Variants in PLEKHG7 observed in about 807,000 individuals in gnomAD.
PLEKHG7 encodes pleckstrin homology domain-containing family G member 7.
PLEKHG7 carries 77 observed loss-of-function variants against 85.2 expected under a neutral mutation model. The observed-to-expected ratio is 0.90, with a 90% CI of 0.75 to 1.09. The LOEUF is 1.09. Among genes scored for constraint, PLEKHG7 ranks in the 50% least tolerant of loss-of-function variants. The pLI is 0.00. For missense variants in PLEKHG7, 777 were observed against 804.3 expected (o/e 0.97, Z 0.41); for synonymous variants, 301 against 302.4 (o/e 1.00, Z 0.05).
intron 15 of PLEKHG7, among the ~76,000 whole-genome samples, chr12:92,767,909 T>G (rs965036879): frequency 6.6e-6 from 1 of 152,020 alleles, no homozygotes; most frequent in East Asian, 1.9e-4. Flanking sequence ...ACACTGACTA[T>G]AGAAAGAATG....
At chr12:92,756,184 G>T in intron 12 of PLEKHG7, 114 bp from the exon 13 acceptor site, 1 of 795,224 alleles carries the variant, frequency 1.3e-6, no homozygotes, top group Non-Finnish European at 2.0e-6. Context: ...TCCATCTGCT[G>T]GCATTTCCAA....
Position 92,707,037 on chromosome 12 carries a change from G to A in PLEKHG7, c.406G>A (p.Glu136Lys), listed in dbSNP as rs1242062371. The change falls in exon 2 of 17, where the codon GAG becomes AAG. Residue 136 changes from glutamate to lysine, a missense_variant. Physicochemically the swap from Glu to Lys is moderately conservative, Grantham distance 56 (BLOSUM62 1). This residue lies in a region of PLEKHG7 where 252 missense variants were observed against 241.9 expected (regional missense o/e 1.04). Transcript: ENST00000344636. ...TRPTDKYLPP[E>K]LQPVNEGSLH... ...GCCCACTGACAAGTATCTCCCTCCT[G>A]AGCTTCAGCCTGTCAATGAAGGGTC... 2.5e-6 allele frequency: 4 copies of A among 1,613,828 alleles called. No homozygotes were observed. Among genetic ancestry groups the A allele is most frequent in the Non-Finnish European group, 3.4e-6 (4 of 1,179,998 alleles).
At chr12:92,703,967 T>C (rs1871159056) in intron 1 of PLEKHG7, among the ~76,000 whole-genome samples, 1 of 152,202 alleles carries the variant, frequency 6.6e-6, no homozygotes, top group African/African-American at 2.4e-5. Context: ...AGAAATCTGA[T>C]CTAACTATTA....
chr12:92,760,486 G>A (rs1165739786), intron 13 of PLEKHG7, among the ~76,000 whole-genome samples: 1 of 151,512 alleles, frequency 6.6e-6, no homozygotes, highest in African/African-American at 2.4e-5. Context: ...ATCTTCTAGG[G>A]GTAAAAACAT....
chr12:92,724,558 A>T (rs1871743180), intron 3 of PLEKHG7, among the ~76,000 whole-genome samples: 1 of 152,228 alleles, frequency 6.6e-6, no homozygotes, highest in African/African-American at 2.4e-5. Flanking sequence ...GAATGACTTT[A>T]GCAAGGAAAG....
At position 92,744,667 on chromosome 12, in the gene PLEKHG7, T is replaced by G. The variant is rs115641233; in HGVS notation, c.1138-811T>G. Among the ~76,000 whole-genome samples, 718 of 151,568 alleles carry G rather than the reference T, an allele frequency of 4.7e-3. 13 individuals are homozygous for G. The highest frequency in any genetic ancestry group is 0.016 in the African/African-American group (672 of 41,268). On this transcript the variant is annotated intron_variant, in intron 9 of 16. Transcript: ENST00000344636. ...GATGTCCCAAATTTCTTTTTTTTTT[T>G]TTTGTTTTTGGATATGGAGATGGAG...
chr12:92,756,436 T>C (rs373279373), intron 13 of PLEKHG7, 45 bp downstream of exon 13: 1 of 1,446,224 alleles, frequency 6.9e-7, no homozygotes, highest in Non-Finnish European at 9.7e-7. Context: ...TGTGCCGCCT[T>C]GTAACTTGTT....
chr12:92,762,010 A>G (rs1283428834), intron 14 of PLEKHG7, among the ~76,000 whole-genome samples, 179 bp downstream of exon 14: 1 of 151,928 alleles, frequency 6.6e-6, no homozygotes, highest in East Asian at 1.9e-4. Context: ...AAGTAAATAA[A>G]TAAATAAATA....
rs994502925 is a variant in PLEKHG7 at position 92,772,415 on chromosome 12, A to C, written c.*2220A>C. The C allele has an allele frequency of 1.3e-5, 2 of 151,882 alleles. No homozygotes were observed. The highest frequency in any genetic ancestry group is 2.9e-5 in the Non-Finnish European group (2 of 67,804). 9.4% of individuals were successfully genotyped at this position (151,882 alleles called of 1,614,324 possible). On this transcript the variant is annotated 3_prime_UTR_variant, in exon 17 of 17. Coordinates refer to ENST00000344636, the MANE Select transcript of PLEKHG7 (RefSeq NM_001377329.1). ...CACCACTGTCTATATCCAAGTGCAA[A>C]GTCCTAATATTCTGTAAATAAATTA...
chr12:92,712,091 T>G (rs551151647), intron 3 of PLEKHG7, among the ~76,000 whole-genome samples: 1 of 152,324 alleles, frequency 6.6e-6, no homozygotes, highest in South Asian at 2.1e-4. Context: ...TTAATCAAAT[T>G]TATGTCCCAT....
At position 92,749,321 on chromosome 12, in the gene PLEKHG7, T is replaced by C. The variant is rs191079314; in HGVS notation, c.1251+3730T>C. Among the ~76,000 whole-genome samples the C allele has an allele frequency of 1.3e-3, 201 of 152,278 alleles. 1 individual carries two copies. The highest frequency in any genetic ancestry group is 5.4e-4 in the Non-Finnish European group (37 of 68,028). On this transcript the variant is annotated intron_variant, in intron 10 of 16. Transcript: ENST00000344636. ...TTTATTTATTTATTGAGACAGAGTC[T>C]GACTCTGTCACCCAGGCTAGAGTGC...
At chr12:92,752,082 A>G (rs1183648425) in intron 10 of PLEKHG7, among the ~76,000 whole-genome samples, 1 of 151,766 alleles carries the variant, frequency 6.6e-6, no homozygotes, top group Non-Finnish European at 1.5e-5. Context: ...ACCTCACCCC[A>G]CCAAGGACAT....
At chr12:92,714,356 T>C (rs1029798530) in intron 3 of PLEKHG7, among the ~76,000 whole-genome samples, 6 of 152,188 alleles carry the variant, frequency 3.9e-5, no homozygotes, top group Admixed American at 3.3e-4. Flanking sequence ...ATTTACAAAC[T>C]CAGTGTCCCC....
In PLEKHG7 at chr12:92,771,727, T is replaced by C. The variant is rs1873438670; in HGVS notation, c.*1532T>C. ...CATTAACAATCATCTTGCAAATGTT[T>C]AGATATAAACTAACCTCGGAGGTGA... On this transcript the variant is annotated 3_prime_UTR_variant, in exon 17 of 17. Transcript: ENST00000344636. 1 of 152,032 alleles carries C rather than the reference T, an allele frequency of 6.6e-6. No homozygotes were observed. Among genetic ancestry groups the C allele is most frequent in the African/African-American group, 2.4e-5 (1 of 41,434 alleles). 9.4% of individuals were successfully genotyped at this position (152,032 alleles called of 1,614,324 possible).
intron 14 of PLEKHG7, among the ~76,000 whole-genome samples, chr12:92,762,108 T>C (rs748430694): frequency 3.3e-5 from 5 of 152,184 alleles, no homozygotes; most frequent in Non-Finnish European, 7.3e-5. Flanking sequence ...TCTATATACT[T>C]GCAAGCTAAG....
intron 3 of PLEKHG7, among the ~76,000 whole-genome samples, chr12:92,709,824 C>T (rs1939167405): frequency 1.3e-5 from 2 of 152,212 alleles, no homozygotes. Flanking sequence ...AGGCGGATCA[C>T]TTGAGGTCAG....
At chr12:92,709,688 T>C (rs1169609250) in intron 3 of PLEKHG7, among the ~76,000 whole-genome samples, 1 of 152,152 alleles carries the variant, frequency 6.6e-6, no homozygotes, top group East Asian at 1.9e-4. Flanking sequence ...GAAGGTAATT[T>C]CCATTGCCAT....
chr12:92,766,600 T>C (rs1025281289), intron 15 of PLEKHG7, among the ~76,000 whole-genome samples: 14 of 152,120 alleles, frequency 9.2e-5, no homozygotes, highest in African/African-American at 3.1e-4. Context: ...CCCAGTACTT[T>C]GGTAGGCTGA....
intron 10 of PLEKHG7, 151 bp downstream of exon 10, chr12:92,745,742 T>A: frequency 1.7e-6 from 1 of 597,932 alleles, no homozygotes; most frequent in East Asian, 2.9e-5. Context: ...TCCTCATAAA[T>A]ACATTGTCCA....
Sources: allele counts gnomAD v4.1 joint callset (sites outside exome capture counted in the v4.1 genomes callset), GRCh38; gene constraint gnomAD v4.1.1; regional missense constraint gnomAD v4.1.1; transcripts MANE v1.5; gene names NCBI Gene and HGNC (gene_info 2026-07-23, HGNC 2026-07-21).